Variants in XRRA1 observed in about 807,000 individuals in gnomAD.
The protein encoded by XRRA1 is X-ray radiation resistance-associated protein 1.
In XRRA1, 69 loss-of-function variants were observed where a neutral mutation model predicts 80.2. That is an observed-to-expected ratio of 0.86 (90% CI 0.71 to 1.05). The LOEUF is 1.05. Among genes scored for constraint, XRRA1 ranks in the 50% least tolerant of loss-of-function variants. The pLI, the probability that XRRA1 is intolerant of heterozygous loss-of-function variation, is 0.00. For synonymous variants in XRRA1, 348 were observed against 389.9 expected (o/e 0.89, Z 1.27); for missense variants, 967 against 976.4 (o/e 0.99, Z 0.13).
intron 10 of XRRA1, among the ~76,000 whole-genome samples, chr11:74,867,485 A>T (rs1274006305): frequency 2.6e-5 from 4 of 152,332 alleles, no homozygotes; most frequent in Admixed American, 1.3e-4. Flanking sequence ...CTCAGAGCTG[A>T]AAGACTGGCT....
chr11:74,914,644 C>T (rs1431615130), intron 8 of XRRA1, among the ~76,000 whole-genome samples: 1 of 151,906 alleles, frequency 6.6e-6, no homozygotes, highest in African/African-American at 2.4e-5. Context: ...ATGAATAGAG[C>T]CTTTTCTCGG....
chr11:74,933,986 T>TGTTC (rs1466188981), intron 4 of XRRA1, 114 bp from the exon 5 acceptor site: 7 of 746,780 alleles, frequency 9.4e-6, no homozygotes, highest in African/African-American at 4.2e-5. Context: ...TTTGTTTGCT[T>TGTTC]GTTCATTCAT....
intron 10 of XRRA1, among the ~76,000 whole-genome samples, chr11:74,878,249 C>T (rs1276835020): frequency 2.0e-5 from 3 of 151,624 alleles, no homozygotes; most frequent in Non-Finnish European, 4.4e-5. Flanking sequence ...TTTTTGGCTG[C>T]ATAAATGTCT....
At chr11:74,948,323 T>C (rs11236272) in intron 1 of XRRA1, among the ~76,000 whole-genome samples, 155 of 150,444 alleles carry the variant, frequency 1.0e-3, no homozygotes, top group Non-Finnish European at 2.0e-3. Context: ...TCAATATACA[T>C]TTGTGAAAAA....
rs1157771754 is a variant in XRRA1, at chr11:74,880,056, G to A, written c.1004-17035C>T. On this transcript the variant is annotated intron_variant, in intron 10 of 18. Coordinates refer to ENST00000684022, the MANE Select transcript of XRRA1 (RefSeq NM_001378157.1). ...GAAGGAATGGTACTAGTTCCTCCTT[G>A]TACCTCTGGTAGAATTCGGCTGTGA... 5.9e-5 allele frequency among the ~76,000 whole-genome samples: 9 copies of A among 152,054 alleles called. No individual in the cohort carries two copies. In the East Asian group the frequency reaches 1.7e-3, roughly 29 times the overall value.
At chr11:74,937,182 G>A in intron 3 of XRRA1, 114 bp from the exon 4 acceptor site, 1 of 1,105,650 alleles carries the variant, frequency 9.0e-7, no homozygotes, top group Non-Finnish European at 1.3e-6. Flanking sequence ...TATCTAACAT[G>A]CACCAGATAC....
At chr11:74,941,955 T>C (rs1946412004) in intron 2 of XRRA1, among the ~76,000 whole-genome samples, 1 of 151,626 alleles carries the variant, frequency 6.6e-6, no homozygotes, top group Non-Finnish European at 1.5e-5. Context: ...CTGCAAAAAA[T>C]TAAAAAAAAT....
chr11:74,857,847 A>G (rs2041475480), intron 12 of XRRA1, among the ~76,000 whole-genome samples: 1 of 152,272 alleles, frequency 6.6e-6, no homozygotes, highest in Non-Finnish European at 1.5e-5. Flanking sequence ...TAACTAACTT[A>G]TAAATAACCT....
chr11:74,938,697 A>G (rs754523540), intron 3 of XRRA1, among the ~76,000 whole-genome samples: 3 of 152,230 alleles, frequency 2.0e-5, no homozygotes, highest in East Asian at 1.9e-4. Flanking sequence ...CCCTCACCCA[A>G]TGAATTGAAA....
chr11:74,943,872 A>G (rs1410189535), intron 2 of XRRA1, among the ~76,000 whole-genome samples: 1 of 151,972 alleles, frequency 6.6e-6, no homozygotes, highest in Non-Finnish European at 1.5e-5. Context: ...CCTAGGCTAC[A>G]GTACAGTGGC....
At chr11:74,945,364 G>A (rs1423824733) in intron 1 of XRRA1, among the ~76,000 whole-genome samples, 8 of 152,146 alleles carry the variant, frequency 5.3e-5, no homozygotes, top group Non-Finnish European at 1.2e-4. Flanking sequence ...CTGAAAGGAC[G>A]GGATCGTTTA....
At chr11:74,902,875 CAAT>C in intron 10 of XRRA1, among the ~76,000 whole-genome samples, 1 of 151,958 alleles carries the variant, frequency 6.6e-6, no homozygotes, top group African/African-American at 2.4e-5. Flanking sequence ...GGACTATAGT[CAAT>C]AATACTTTAA....
At chr11:74,933,671 C>T (rs775809754) in intron 5 of XRRA1, 130 bp downstream of exon 5, 2 of 729,458 alleles carry the variant, frequency 2.7e-6, no homozygotes, top group Non-Finnish European at 2.3e-6. Flanking sequence ...TGACTCTCCT[C>T]TCCCTCCTTC....
intron 7 of XRRA1, among the ~76,000 whole-genome samples, chr11:74,926,058 TTCTC>T (rs778357794): frequency 1.7e-4 from 26 of 152,218 alleles, no homozygotes; most frequent in South Asian, 2.1e-4. Flanking sequence ...TAAACTTACT[TTCTC>T]TCTATTTTAT....
chr11:74,884,612 T>TA (rs1195073098), intron 10 of XRRA1, among the ~76,000 whole-genome samples: 1 of 152,218 alleles, frequency 6.6e-6, no homozygotes, highest in African/African-American at 2.4e-5. Context: ...CCCCTCTCTC[T>TA]AGCAGGGAGC....
At chr11:74,921,931 T>A (rs1940925770) in intron 7 of XRRA1, among the ~76,000 whole-genome samples, 1 of 152,136 alleles carries the variant, frequency 6.6e-6, no homozygotes, top group Admixed American at 6.5e-5. Context: ...TAAGTTAGCA[T>A]AAGACCTGGC....
At chr11:74,910,271 A>G (rs1016360303) in intron 8 of XRRA1, among the ~76,000 whole-genome samples, 1 of 152,216 alleles carries the variant, frequency 6.6e-6, no homozygotes, top group East Asian at 1.9e-4. Context: ...CTAAAAAGCT[A>G]GTGCTCTTTC....
chr11:74,934,813 G>A (rs1042997711), intron 4 of XRRA1, among the ~76,000 whole-genome samples: 1 of 152,022 alleles, frequency 6.6e-6, no homozygotes, highest in Admixed American at 6.6e-5. Context: ...TTTTAGCAGG[G>A]GGCTGATAGT....
At position 74,918,277 on chromosome 11, in the gene XRRA1, G is replaced by A. The variant is rs114983069; in HGVS notation, c.656+2937C>T. ...CACTGTAGCAACTATGCATATTTTC[G>A]TGTGCATTTTCTTCCTTCCTTAGTG... On this transcript the variant is annotated intron_variant, in intron 8 of 18. Transcript: ENST00000684022. Among the ~76,000 whole-genome samples the A allele has an allele frequency of 9.6e-3, 1,440 of 149,742 alleles. 28 individuals carry two copies. The highest frequency in any genetic ancestry group is 0.032 in the African/African-American group (1,312 of 40,370).
Sources: allele counts gnomAD v4.1 joint callset (sites outside exome capture counted in the v4.1 genomes callset), GRCh38; gene constraint gnomAD v4.1.1; transcripts MANE v1.5; gene names NCBI Gene and HGNC (gene_info 2026-07-23, HGNC 2026-07-21).